Variants in ZNF521 observed in about 807,000 individuals in gnomAD.
ZNF521 encodes the protein zinc finger protein 521.
A neutral mutation model predicts 105.5 loss-of-function variants in ZNF521; 14 were observed. The observed-to-expected ratio is 0.13, with a 90% CI of 0.09 to 0.21. The LOEUF (loss-of-function observed/expected upper bound fraction) is 0.21, where lower values mean the gene tolerates loss of function less well. ZNF521 is among the 10% of genes least tolerant of loss of function. ZNF521 has a pLI of 1.00. For synonymous variants in ZNF521, 635 were observed against 606.0 expected (o/e 1.05, Z -0.70); for missense variants, 1,233 against 1,629.7 (o/e 0.76, Z 4.19).
intron 3 of ZNF521, among the ~76,000 whole-genome samples, chr18:25,285,696 T>TCA (rs200391723): frequency 5.9e-4 from 75 of 127,102 alleles, no homozygotes; most frequent in East Asian, 3.6e-3. Flanking sequence ...TCTCTCTCTC[T>TCA]CTCACACACA....
At chr18:25,205,921 T>C (rs1224826609) in intron 4 of ZNF521, among the ~76,000 whole-genome samples, 1 of 152,198 alleles carries the variant, frequency 6.6e-6, no homozygotes, top group East Asian at 1.9e-4. Context: ...TCAGAATTAT[T>C]TCAATAAAAC....
intron 3 of ZNF521, among the ~76,000 whole-genome samples, chr18:25,260,033 T>C (rs543829991): frequency 1.3e-5 from 2 of 152,066 alleles, no homozygotes; most frequent in Admixed American, 6.6e-5. Context: ...GCAAATTATG[T>C]AGGGAGTGTA....
chr18:25,339,368 A>G (rs1914074267), intron 2 of ZNF521, among the ~76,000 whole-genome samples: 1 of 152,208 alleles, frequency 6.6e-6, no homozygotes, highest in African/African-American at 2.4e-5. Context: ...AAACATATGA[A>G]ACTTCAGGAT....
At chr18:25,288,267 C>T (rs1179438847) in intron 3 of ZNF521, among the ~76,000 whole-genome samples, 2 of 152,096 alleles carry the variant, frequency 1.3e-5, no homozygotes, top group Non-Finnish European at 2.9e-5. Flanking sequence ...GTGATGCCCT[C>T]CGATGTGAAC....
intron 5 of ZNF521, among the ~76,000 whole-genome samples, chr18:25,161,168 C>T (rs956513865): frequency 1.3e-5 from 2 of 152,136 alleles, no homozygotes; most frequent in African/African-American, 4.8e-5. Flanking sequence ...GTCACACTCC[C>T]TTTGTCTCCT....
chr18:25,168,596 A>G (rs1030269146), intron 5 of ZNF521, among the ~76,000 whole-genome samples: 80 of 152,222 alleles, frequency 5.3e-4, no homozygotes, highest in African/African-American at 1.9e-3. Context: ...AGGGGAGAAG[A>G]CAGTTAAATA....
chr18:25,268,657 G>A (rs1909433485), intron 3 of ZNF521, among the ~76,000 whole-genome samples: 1 of 152,172 alleles, frequency 6.6e-6, no homozygotes, highest in South Asian at 2.1e-4. Context: ...TTACAATCCA[G>A]AATTTCATAT....
chr18:25,285,124 A>G (rs921618596), intron 3 of ZNF521, among the ~76,000 whole-genome samples: 6 of 151,862 alleles, frequency 4.0e-5, no homozygotes, highest in African/African-American at 1.4e-4. Context: ...GCAATGCATT[A>G]AGCAATCTCC....
chr18:25,147,534 T>G (rs1370070350), intron 5 of ZNF521, among the ~76,000 whole-genome samples: 1 of 152,172 alleles, frequency 6.6e-6, no homozygotes, highest in Non-Finnish European at 1.5e-5. Context: ...AAAATGGCAT[T>G]GTGGGATTAC....
At position 25,179,116 on chromosome 18, in the gene ZNF521, C is replaced by CTTTTTTTTT. The variant is rs1175859497; in HGVS notation, c.3658+16035_3658+16043dup. ...GACTTATACTTCTTTTTCTTTATTCCTTTTTTTTTTTTTTTTTTTTTTTTT... is the reference window on the plus strand; with the variant it reads ...GACTTATACTTCTTTTTCTTTATTCCTTTTTTTTTTTTTTTTTTTTTTTTTTTTTTTTTT... On this transcript the variant is annotated intron_variant, in intron 5 of 7. Transcript: ENST00000361524. Among the ~76,000 whole-genome samples, 60 of 52,482 alleles carry CTTTTTTTTT rather than the reference C, an allele frequency of 1.1e-3. 9 individuals carry two copies. The highest frequency in any genetic ancestry group is 1.9e-3 in the South Asian group (2 of 1,064). 34.4% of individuals were successfully genotyped at this position (52,482 alleles called of 152,430 possible). A position where few individuals can be genotyped will look rare whatever the true frequency, so the allele number is the denominator to read the frequency against.
chr18:25,099,624 G>C (rs34276564), intron 5 of ZNF521, among the ~76,000 whole-genome samples: 4,455 of 152,206 alleles, frequency 0.029, 147 homozygotes, highest in East Asian at 0.13. Flanking sequence ...GTACATCCAT[G>C]ACCAATAAAC....
At chr18:25,330,702 G>T (rs1187117894) in intron 2 of ZNF521, among the ~76,000 whole-genome samples, 1 of 152,062 alleles carries the variant, frequency 6.6e-6, no homozygotes. Flanking sequence ...AAGTTAACAC[G>T]ATTTTACTTG....
chr18:25,270,336 A>AT (rs528715263), intron 3 of ZNF521, among the ~76,000 whole-genome samples: 100 of 152,260 alleles, frequency 6.6e-4, no homozygotes, highest in African/African-American at 2.3e-3. Context: ...CAGCTGAATC[A>AT]TACCAGAGGT....
intron 5 of ZNF521, among the ~76,000 whole-genome samples, chr18:25,165,657 A>C (rs935510219): frequency 2.0e-5 from 3 of 152,230 alleles, no homozygotes; most frequent in Non-Finnish European, 4.4e-5. Context: ...CTGTGGCTAC[A>C]TGTGGGCCTG....
chr18:25,346,942 C>T (rs1378250891), intron 2 of ZNF521, among the ~76,000 whole-genome samples: 1 of 152,162 alleles, frequency 6.6e-6, no homozygotes, highest in East Asian at 1.9e-4. Flanking sequence ...CTGAATATAT[C>T]ACACCTTTAT....
At chr18:25,348,157 C>T (rs2145229591) in intron 2 of ZNF521, among the ~76,000 whole-genome samples, 1 of 152,260 alleles carries the variant, frequency 6.6e-6, no homozygotes, top group East Asian at 1.9e-4. Context: ...AAGTGTTGTT[C>T]ACTGCATATT....
chr18:25,220,385 A>G (rs1236105642), intron 4 of ZNF521, among the ~76,000 whole-genome samples: 1 of 152,176 alleles, frequency 6.6e-6, no homozygotes, highest in Non-Finnish European at 1.5e-5. Context: ...GAGAAAGAAG[A>G]CAGGAGTACC....
chr18:25,124,349 A>AC (rs1376878590), intron 5 of ZNF521, among the ~76,000 whole-genome samples: 2 of 151,990 alleles, frequency 1.3e-5, no homozygotes, highest in Non-Finnish European at 2.9e-5. Flanking sequence ...GTCCTGCTTC[A>AC]TTTTTTCTCC....
At chr18:25,094,319 G>A (rs972988771) in intron 5 of ZNF521, among the ~76,000 whole-genome samples, 1 of 151,968 alleles carries the variant, frequency 6.6e-6, no homozygotes, top group Non-Finnish European at 1.5e-5. Flanking sequence ...ATGAGTGCAG[G>A]GAAAATGTAC....
Sources: allele counts gnomAD v4.1 joint callset (sites outside exome capture counted in the v4.1 genomes callset), GRCh38; gene constraint gnomAD v4.1.1; transcripts MANE v1.5; gene names NCBI Gene and HGNC (gene_info 2026-07-23, HGNC 2026-07-21).